FARP2: variants seen among roughly 807,000 people sequenced by gnomAD.
The protein encoded by FARP2 is FERM, ARH/RhoGEF and pleckstrin domain protein 2, also known as FERM, ARHGEF and pleckstrin domain-containing protein 2.
FARP2 carries 111 observed loss-of-function variants against 130.5 expected under a neutral mutation model. The ratio of observed to expected loss-of-function variants is 0.85; its 90% CI spans 0.73 to 1.00. FARP2 has a LOEUF of 1.00. Among genes scored for constraint, FARP2 ranks in the 50% least tolerant of loss-of-function variants. FARP2 has a pLI of 0.00. For synonymous variants in FARP2, 504 were observed against 516.9 expected (o/e 0.98, Z 0.34); for missense variants, 1,385 against 1,346.3 (o/e 1.03, Z -0.45).
At chr2:241,441,699 T>C (rs2063388749) in intron 13 of FARP2, 143 bp downstream of exon 13, 1 of 1,223,106 alleles carries the variant, frequency 8.2e-7, no homozygotes, top group Admixed American at 1.9e-5. Context: ...GGGATGACTT[T>C]ACCACAGGCT....
chr2:241,466,677 C>A, intron 17 of FARP2: 1 of 829,092 alleles, frequency 1.2e-6, no homozygotes, highest in Non-Finnish European at 1.4e-6. Context: ...CGCCTTCACT[C>A]CCCTTCCAAC....
At chr2:241,434,902 C>A in intron 10 of FARP2, 60 bp from the exon 11 acceptor site, 2 of 1,003,582 alleles carry the variant, frequency 2.0e-6, no homozygotes, top group Non-Finnish European at 3.1e-6. Context: ...TTGTCTTTTA[C>A]TCTGAAAAAT....
chr2:241,461,854 G>C (rs977216313), intron 14 of FARP2, among the ~76,000 whole-genome samples: 7 of 152,246 alleles, frequency 4.6e-5, no homozygotes, highest in Non-Finnish European at 1.5e-5. Flanking sequence ...GGAGGGTTCA[G>C]GGTGGGGAGA....
intron 24 of FARP2, among the ~76,000 whole-genome samples, chr2:241,492,170 C>G (rs869943): frequency 0.11 from 17,139 of 152,132 alleles, 1,232 homozygotes; most frequent in Non-Finnish European, 0.15. Context: ...TTACTCCACC[C>G]AGAGCTCTTG....
chr2:241,448,966 G>A (rs2063578194), intron 13 of FARP2, among the ~76,000 whole-genome samples: 1 of 152,204 alleles, frequency 6.6e-6, no homozygotes, highest in African/African-American at 2.4e-5. Flanking sequence ...CACAGTAAGA[G>A]ATGAACCAAT....
At chr2:241,373,892 G>C (rs559164451) in intron 2 of FARP2, among the ~76,000 whole-genome samples, 486 of 152,164 alleles carry the variant, frequency 3.2e-3, no homozygotes, top group Non-Finnish European at 5.8e-3. Context: ...AATATACTAA[G>C]AATATATGCA....
intron 17 of FARP2, chr2:241,465,681 A>T: frequency 1.3e-6 from 2 of 1,550,924 alleles, no homozygotes; most frequent in Non-Finnish European, 1.7e-6. Flanking sequence ...CAGGCTGCTC[A>T]TGAGTTCACC....
At chr2:241,366,127 A>ATATATATACATATATATATATACG (rs373040817) in intron 1 of FARP2, among the ~76,000 whole-genome samples, 3,687 of 136,330 alleles carry the variant, frequency 0.027, 309 homozygotes, top group African/African-American at 0.093. Context: ...ATATACGTAT[A>ATATATATACATATATATATATACG]TATATATATA....
chr2:241,374,810 C>T (rs574893455), intron 2 of FARP2, among the ~76,000 whole-genome samples: 1 of 152,346 alleles, frequency 6.6e-6, no homozygotes, highest in East Asian at 1.9e-4. Context: ...TCCCACATCA[C>T]TTCTGTTGCA....
chr2:241,456,724 TC>T, intron 13 of FARP2, 22 bp from the exon 14 acceptor site: 2 of 1,612,164 alleles, frequency 1.2e-6, no homozygotes, highest in Middle Eastern at 1.7e-4. Flanking sequence ...TCTCGCTCCA[TC>T]CCCCTCCCCG....
chr2:241,458,601 G>A (rs80079121), intron 14 of FARP2, among the ~76,000 whole-genome samples: 1,731 of 152,120 alleles, frequency 0.011, 8 homozygotes, highest in Middle Eastern at 0.02. Flanking sequence ...CTGGCAGCAA[G>A]ACTGTTTCCA....
chr2:241,484,006 C>T, intron 20 of FARP2: 25 of 1,337,694 alleles, frequency 1.9e-5, no homozygotes, highest in Non-Finnish European at 2.4e-5. Flanking sequence ...CTGCCTCCAG[C>T]TTCTCAGCCA....
At chr2:241,465,409 C>A in intron 17 of FARP2, 1 of 1,445,866 alleles carries the variant, frequency 6.9e-7, no homozygotes, top group South Asian at 1.2e-5. Flanking sequence ...AGGGCAGGGC[C>A]CTGGGACTTG....
At chr2:241,485,700 G>A (rs2064736100) in intron 21 of FARP2, among the ~76,000 whole-genome samples, 1 of 149,770 alleles carries the variant, frequency 6.7e-6, no homozygotes, top group Admixed American at 6.6e-5. Context: ...CTCCCTCCCT[G>A]GGGTCCTCCT....
At chr2:241,411,300 G>A (rs1229400046) in intron 6 of FARP2, among the ~76,000 whole-genome samples, 170 bp downstream of exon 6, 1 of 152,244 alleles carries the variant, frequency 6.6e-6, no homozygotes, top group Non-Finnish European at 1.5e-5. Context: ...CTTCTGTAAA[G>A]TGGAACTCCT....
intron 19 of FARP2, chr2:241,478,021 T>A (rs2064518103): frequency 6.6e-6 from 1 of 152,340 alleles, no homozygotes; most frequent in African/African-American, 2.4e-5. Context: ...TGCAAACATT[T>A]TCTCCCATTG....
chr2:241,413,493 A>C, intron 7 of FARP2, 72 bp downstream of exon 7: 1 of 1,075,270 alleles, frequency 9.3e-7, no homozygotes, highest in Non-Finnish European at 1.4e-6. Flanking sequence ...ACGAGAAAGG[A>C]CTGTTGTCGT....
intron 22 of FARP2, 114 bp downstream of exon 22, chr2:241,490,158 T>A (rs1262368481): frequency 1.4e-6 from 1 of 739,882 alleles, no homozygotes; most frequent in Non-Finnish European, 2.4e-6. Flanking sequence ...CCTCATGGGG[T>A]TGTGCCCCCT....
At chr2:241,375,139 G>C (rs2061506235) in intron 2 of FARP2, among the ~76,000 whole-genome samples, 1 of 152,060 alleles carries the variant, frequency 6.6e-6, no homozygotes, top group South Asian at 2.1e-4. Flanking sequence ...TTTTGGTAGA[G>C]ACGGAGTTTC....
Sources: gnomAD v4.1 joint callset for allele counts (sites outside exome capture counted in the v4.1 genomes callset) on GRCh38, gnomAD v4.1.1 for gene constraint, MANE v1.5 for transcripts, NCBI Gene and HGNC (gene_info 2026-07-23, HGNC 2026-07-21) for gene names.